ZNF292: variants seen among roughly 807,000 people sequenced by gnomAD.
ZNF292 encodes zinc finger protein 292.
A neutral mutation model predicts 217.9 loss-of-function variants in ZNF292; 26 were observed. The ratio of observed to expected loss-of-function variants is 0.12; its 90% CI spans 0.09 to 0.17. The LOEUF is 0.17. Among genes scored for constraint, ZNF292 ranks in the 10% least tolerant of loss-of-function variants. The probability of loss-of-function intolerance (pLI) is 1.00; values close to 1 mark genes in which losing one functional copy is unlikely to be tolerated. For missense variants in ZNF292, 2,904 were observed against 3,175.2 expected (o/e 0.91, Z 2.05); for synonymous variants, 1,257 against 1,124.1 (o/e 1.12, Z -2.37).
intron 1 of ZNF292, among the ~76,000 whole-genome samples, chr6:87,157,449 A>T (rs966586483): frequency 6.6e-6 from 1 of 152,210 alleles, no homozygotes; most frequent in East Asian, 1.9e-4. Flanking sequence ...TTGTAAGTCG[A>T]ATCAGTTTTT....
intron 4 of ZNF292, among the ~76,000 whole-genome samples, chr6:87,228,673 T>C (rs1773493972): frequency 6.6e-6 from 1 of 152,208 alleles, no homozygotes; most frequent in Admixed American, 6.5e-5. Flanking sequence ...CAGCACCATT[T>C]GTTGAAGAGA....
intron 1 of ZNF292, among the ~76,000 whole-genome samples, chr6:87,160,655 G>A (rs955423413): frequency 7.6e-5 from 11 of 144,524 alleles, no homozygotes; most frequent in African/African-American, 1.6e-4. Context: ...GTGTGTGTGT[G>A]TATATATACA....
At chr6:87,251,748 A>G (rs554652826) in intron 7 of ZNF292, among the ~76,000 whole-genome samples, 3 of 152,168 alleles carry the variant, frequency 2.0e-5, no homozygotes, top group Non-Finnish European at 2.9e-5. Flanking sequence ...CTGTTCACTT[A>G]TTTTCAAGTA....
At chr6:87,247,350 T>C (rs545185740) in intron 7 of ZNF292, among the ~76,000 whole-genome samples, 3 of 151,896 alleles carry the variant, frequency 2.0e-5, no homozygotes, top group Non-Finnish European at 2.9e-5. Flanking sequence ...TGAAGTACTT[T>C]AATTTTATTG....
intron 1 of ZNF292, among the ~76,000 whole-genome samples, chr6:87,176,426 CAG>C (rs1345341935): frequency 1.3e-5 from 2 of 152,124 alleles, no homozygotes; most frequent in Non-Finnish European, 2.9e-5. Flanking sequence ...TTCCTTTCCT[CAG>C]GGAATAGCGA....
At chr6:87,190,047 A>C (rs887783958) in intron 1 of ZNF292, among the ~76,000 whole-genome samples, 4 of 152,192 alleles carry the variant, frequency 2.6e-5, no homozygotes, top group African/African-American at 9.6e-5. Context: ...AACTTTGCCC[A>C]CAGGAACTCT....
rs1395088978 is a variant in ZNF292 at position 87,256,796 on chromosome 6, C to T, written c.3167C>T (p.Thr1056Ile). 5 of 1,613,180 alleles carry T rather than the reference C, an allele frequency of 3.1e-6. No homozygotes were observed. The highest frequency in any genetic ancestry group is 4.2e-6 in the Non-Finnish European group (5 of 1,179,810). ...SKFECGDNVK[T>I]SSNLYNLPLK... ...TTTGAATGTGGAGATAATGTTAAAA[C>T]ATCATCCAATCTTTATAATTTACCT... Residue 1056 changes from threonine to isoleucine, a missense_variant, in exon 8 of 8, where the codon ACA (threonine) becomes ATA (isoleucine). Coordinates refer to ENST00000369577, the MANE Select transcript of ZNF292 (RefSeq NM_015021.3).
At chr6:87,203,159 T>C (rs35143142) in intron 1 of ZNF292, among the ~76,000 whole-genome samples, 4 of 139,066 alleles carry the variant, frequency 2.9e-5, no homozygotes, top group Admixed American at 7.6e-5. Context: ...TTTTTTAAAG[T>C]GAGACAGGGC....
Position 87,256,933 on chromosome 6 carries a change from G to T in ZNF292, c.3304G>T (p.Val1102Phe). The T allele has an allele frequency of 6.2e-7, 1 of 1,613,788 alleles. No homozygotes were observed. Among genetic ancestry groups the T allele is most frequent in the Non-Finnish European group, 8.5e-7 (1 of 1,179,826 alleles). Reference sequence around the variant, plus strand: ...TCCAGTTCAGAAATTCAGCTGCCAGGTCGAGGGATGTACTCGAACCTATAA... The same window carrying T: ...TCCAGTTCAGAAATTCAGCTGCCAGTTCGAGGGATGTACTCGAACCTATAA... ...KAPVQKFSCQ[V>F]EGCTRTYNSS... Residue 1102 changes from valine to phenylalanine, a missense_variant, in exon 8 of 8, where the codon GTC becomes TTC. This residue lies in a region of ZNF292 where 687 missense variants were observed against 623.0 expected (regional missense o/e 1.10). Coordinates refer to ENST00000369577, the MANE Select transcript of ZNF292 (RefSeq NM_015021.3).
chr6:87,155,577 G>A lies in ZNF292; in HGVS notation c.-15G>A, dbSNP rs950312148. The A allele has an allele frequency of 3.1e-5, 49 of 1,571,178 alleles. No homozygotes were observed. The highest frequency in any genetic ancestry group is 4.2e-5 in the Non-Finnish European group (49 of 1,159,118). ...ACGTGACCCAGGTGCGTACGCGACG[G>A]AGCGGGGTGTGAAGATGGCGGACGA... is the stretch of plus-strand genomic sequence containing the variant. On this transcript the variant is annotated 5_prime_UTR_variant, in exon 1 of 8. Coordinates refer to ENST00000369577, the MANE Select transcript of ZNF292 (RefSeq NM_015021.3).
intron 1 of ZNF292, among the ~76,000 whole-genome samples, chr6:87,157,365 T>G (rs1374562628): frequency 1.3e-5 from 2 of 152,254 alleles, no homozygotes; most frequent in Non-Finnish European, 2.9e-5. Flanking sequence ...CCACTCATTC[T>G]TAATTGGTCT....
chr6:87,254,865 G>A lies in ZNF292; in HGVS notation c.1236G>A (p.Gln412=). ...AYYAVEMLYN[Q]PDQKYDEENL... ...ATGCTGTGGAAATGTTGTATAATCAGCCAGACCAGAAATATGATGAAGAGA... is the reference window on the plus strand; with the variant it reads ...ATGCTGTGGAAATGTTGTATAATCAACCAGACCAGAAATATGATGAAGAGA... Residue 412 remains glutamine, a synonymous_variant, in exon 8 of 8, where the codon CAG becomes CAA. Transcript: ENST00000369577. The A allele has an allele frequency of 6.2e-7, 1 of 1,613,742 alleles. No homozygotes were observed. The highest frequency in any genetic ancestry group is 8.5e-7 in the Non-Finnish European group (1 of 1,179,754).
At chr6:87,172,645 C>A (rs900728347) in intron 1 of ZNF292, among the ~76,000 whole-genome samples, 47 of 152,302 alleles carry the variant, frequency 3.1e-4, no homozygotes, top group African/African-American at 1.1e-3. Context: ...GTGGCTCATA[C>A]CTGTAATCCC....
chr6:87,198,235 C>T (rs908950113), intron 1 of ZNF292, among the ~76,000 whole-genome samples: 5 of 151,916 alleles, frequency 3.3e-5, no homozygotes, highest in East Asian at 1.9e-4. Context: ...GATGGAGTCT[C>T]GATCTGTCAC....
intron 1 of ZNF292, chr6:87,213,680 A>G (rs747965728): frequency 3.9e-5 from 6 of 152,274 alleles, no homozygotes; most frequent in Non-Finnish European, 8.8e-5. Flanking sequence ...TGACCAGGGA[A>G]CAGATGTGAA....
chr6:87,261,055 A>G lies in ZNF292; in HGVS notation c.7426A>G (p.Asn2476Asp). ...ATVSQKEVEK[N>D]EKDEMDELTE... ...AGTTTCACAAAAGGAAGTTGAAAAA[A>G]ATGAAAAAGATGAAATGGATGAACT... is the stretch of plus-strand genomic sequence containing the variant. Residue 2476 changes from asparagine to aspartate, a missense_variant, in exon 8 of 8, where the codon AAT becomes GAT. This residue lies in a region of ZNF292 where 380 missense variants were observed against 355.3 expected (regional missense o/e 1.07). Transcript: ENST00000369577. 2 of 1,604,814 alleles carry G rather than the reference A, an allele frequency of 1.2e-6. No individual in the cohort carries two copies. The highest frequency in any genetic ancestry group is 1.7e-6 in the Non-Finnish European group (2 of 1,175,218).
intron 1 of ZNF292, among the ~76,000 whole-genome samples, chr6:87,184,357 T>G (rs563737246): frequency 6.6e-6 from 1 of 152,364 alleles, no homozygotes; most frequent in East Asian, 1.9e-4. Flanking sequence ...GTCTGGTTAT[T>G]GTTTGGCCAT....
At position 87,255,414 on chromosome 6, in the gene ZNF292, T is replaced by C; in HGVS notation, c.1785T>C (p.Ser595=). The C allele has an allele frequency of 4.3e-6, 7 of 1,613,744 alleles. No homozygotes were observed. Among genetic ancestry groups the C allele is most frequent in the Non-Finnish European group, 5.9e-6 (7 of 1,179,836 alleles). The change falls in exon 8 of 8, where the codon TCT becomes TCC. Residue 595 remains serine, a synonymous_variant. Transcript: ENST00000369577. ...VPHVTLHVKQ[S]SKERLAAMKP... ...ATGTCACACTGCATGTTAAACAATC[T>C]AGTAAAGAGAGACTAGCAGCTATGA...
chr6:87,158,774 T>G (rs1050065092), intron 1 of ZNF292, among the ~76,000 whole-genome samples: 3 of 152,214 alleles, frequency 2.0e-5, no homozygotes, highest in Non-Finnish European at 4.4e-5. Flanking sequence ...ATTAAAGAAT[T>G]TATTGGCGCA....
Sources: gnomAD v4.1 joint callset for allele counts (sites outside exome capture counted in the v4.1 genomes callset) on GRCh38, gnomAD v4.1.1 for gene constraint, gnomAD v4.1.1 regional missense constraint, MANE v1.5 for transcripts, NCBI Gene and HGNC (gene_info 2026-07-23, HGNC 2026-07-21) for gene names.